PKHD1: variants seen among roughly 807,000 people sequenced by gnomAD.
PKHD1 encodes PKHD1 ciliary IPT domain containing fibrocystin/polyductin.
PKHD1 carries 291 observed loss-of-function variants against 412.0 expected under a neutral mutation model. That is an observed-to-expected ratio of 0.71 (90% CI 0.64 to 0.78). The LOEUF is 0.78. Ranked by LOEUF, PKHD1 falls within the 30% of genes least tolerant of loss-of-function variation. The pLI, the probability that PKHD1 is intolerant of heterozygous loss-of-function variation, is 0.00. For synonymous variants in PKHD1, 1,777 were observed against 1,821.5 expected, an observed-to-expected ratio of 0.98 and a Z score of 0.62; for missense variants, 4,825 against 4,950.7, an observed-to-expected ratio of 0.97 and a Z score of 0.76.
chr6:52,017,336 A>T (rs952547875), intron 34 of PKHD1, 74 bp downstream of exon 34: 63 of 1,088,262 alleles, frequency 5.8e-5, no homozygotes, highest in Non-Finnish European at 6.6e-5. Flanking sequence ...CCCAGCCTAC[A>T]CTCTCTGATG....
chr6:51,975,963 T>TAAAAAAAAAAAAAAAAAAA (rs66774242), intron 35 of PKHD1: 1 of 69,766 alleles, frequency 1.4e-5, no homozygotes, highest in Non-Finnish European at 2.7e-5. Flanking sequence ...TTTCTCTAAT[T>TAAAAAAAAAAAAAAAAAAA]AAAAAAAAAA....
intron 29 of PKHD1, among the ~76,000 whole-genome samples, chr6:52,029,495 G>A (rs889871835): frequency 1.3e-5 from 2 of 152,188 alleles, no homozygotes; most frequent in African/African-American, 2.4e-5. Flanking sequence ...AAGAGAGGTG[G>A]AAATTAAGCA....
At chr6:51,798,900 AG>A (rs1054751934) in intron 52 of PKHD1, among the ~76,000 whole-genome samples, 10 of 152,304 alleles carry the variant, frequency 6.6e-5, no homozygotes, top group Admixed American at 5.9e-4. Flanking sequence ...TACACATAAA[AG>A]TATGATAGTA....
At chr6:51,950,901 G>A (rs925682808) in intron 36 of PKHD1, among the ~76,000 whole-genome samples, 3 of 152,078 alleles carry the variant, frequency 2.0e-5, no homozygotes, top group African/African-American at 4.8e-5. Flanking sequence ...TTGCTCCTCC[G>A]GGTGAATGGA....
chr6:51,655,812 G>A (rs1771731242), intron 61 of PKHD1, among the ~76,000 whole-genome samples: 1 of 152,082 alleles, frequency 6.6e-6, no homozygotes, highest in South Asian at 2.1e-4. Context: ...CAGTCAGAAA[G>A]GCAATTATTA....
At chr6:52,056,090 A>G (rs12664407) in intron 18 of PKHD1, among the ~76,000 whole-genome samples, 22,432 of 152,184 alleles carry the variant, frequency 0.15, 1,709 homozygotes, top group Middle Eastern at 0.25. Context: ...GAATGGCCAC[A>G]GCATGAGTGG....
At chr6:51,678,024 A>G (rs921458432) in intron 60 of PKHD1, among the ~76,000 whole-genome samples, 1 of 152,124 alleles carries the variant, frequency 6.6e-6, no homozygotes, top group Admixed American at 6.5e-5. Flanking sequence ...TTTTGTTGTA[A>G]TATGTTTTCA....
At chr6:51,841,435 T>C (rs1296102955) in intron 50 of PKHD1, among the ~76,000 whole-genome samples, 2 of 152,100 alleles carry the variant, frequency 1.3e-5, no homozygotes, top group African/African-American at 2.4e-5. Flanking sequence ...CTCCTTCTCT[T>C]CCTGCCTTTT....
At chr6:51,921,215 A>C (rs530771679) in intron 37 of PKHD1, among the ~76,000 whole-genome samples, 1 of 152,184 alleles carries the variant, frequency 6.6e-6, no homozygotes, top group South Asian at 2.1e-4. Context: ...TTGTGATGTT[A>C]GAGTATCGAT....
intron 47 of PKHD1, among the ~76,000 whole-genome samples, chr6:51,869,226 T>A (rs1775570669): frequency 6.6e-6 from 1 of 152,146 alleles, no homozygotes; most frequent in South Asian, 2.1e-4. Context: ...AAGCACAACT[T>A]ACTTCTTGGA....
At chr6:51,746,916 A>G (rs944872312) in intron 58 of PKHD1, 27 bp from the exon 59 acceptor site, 3 of 1,274,896 alleles carry the variant, frequency 2.4e-6, no homozygotes, top group Non-Finnish European at 3.4e-6. Flanking sequence ...ATGTATCATA[A>G]TATTATATCA....
chr6:52,065,999 T>C lies in PKHD1; in HGVS notation c.857A>G (p.Asn286Ser), dbSNP rs770742408. Residue 286 changes from asparagine (N) to serine (S), a missense_variant, in exon 12 of 67, where the codon AAT becomes AGT. By Grantham distance (46) the Asn-to-Ser change is conservative. Coordinates refer to ENST00000371117, the MANE Select transcript of PKHD1 (RefSeq NM_138694.4). Reference protein sequence around the residue: ...NITITGDFFDNSAQVTIAGIP... With the variant: ...NITITGDFFDSSAQVTIAGIP... ...ACCTGCAATGGTAACCTGGGCAGAA[T>C]TGTCAAAAAAGTCTCCTGTAATTGT... 3 of 1,584,102 alleles carry C rather than the reference T, an allele frequency of 1.9e-6. No homozygotes were observed. Among genetic ancestry groups the C allele is most frequent in the Non-Finnish European group, 2.6e-6 (3 of 1,152,798 alleles).
At chr6:51,891,285 G>A (rs1779079699) in intron 43 of PKHD1, among the ~76,000 whole-genome samples, 1 of 151,996 alleles carries the variant, frequency 6.6e-6, no homozygotes, top group African/African-American at 2.4e-5. Context: ...TTGTTTGTTT[G>A]TTTTCTTTTT....
chr6:51,955,007 C>T (rs1458897073), intron 36 of PKHD1, among the ~76,000 whole-genome samples: 1 of 152,004 alleles, frequency 6.6e-6, no homozygotes, highest in Admixed American at 6.6e-5. Flanking sequence ...GATTATGGCT[C>T]ATCATAATTA....
At chr6:51,808,616 T>C (rs1764210381) in intron 52 of PKHD1, among the ~76,000 whole-genome samples, 2 of 152,252 alleles carry the variant, frequency 1.3e-5, no homozygotes, top group African/African-American at 2.4e-5. Context: ...ATAAGAAATA[T>C]GAGCAAGAGA....
intron 35 of PKHD1, among the ~76,000 whole-genome samples, chr6:51,974,789 C>G (rs1794150804): frequency 1.3e-5 from 2 of 152,118 alleles, no homozygotes; most frequent in Admixed American, 1.3e-4. Flanking sequence ...ACCAAAATCT[C>G]AGAAATCACC....
intron 63 of PKHD1, among the ~76,000 whole-genome samples, chr6:51,642,352 T>C (rs1386833940): frequency 6.6e-6 from 1 of 151,954 alleles, no homozygotes; most frequent in Non-Finnish European, 1.5e-5. Flanking sequence ...GGACTATGGG[T>C]TAGAAATGAA....
intron 51 of PKHD1, among the ~76,000 whole-genome samples, 183 bp downstream of exon 51, chr6:51,836,221 T>A (rs1025533850): frequency 9.2e-5 from 14 of 152,194 alleles, no homozygotes; most frequent in African/African-American, 3.4e-4. Context: ...CACCTTTATA[T>A]CCTTTTTTGA....
Position 51,904,053 on chromosome 6 carries a change from A to C in PKHD1, c.6809-11T>G. On this transcript the variant is annotated splice_polypyrimidine_tract_variant and intron_variant, in intron 41 of 66. Transcript: ENST00000371117. The stretch of plus-strand genomic sequence containing the variant: ...TCTCCGTGCATGTCCCTGAGAACAA[A>C]AGACCCCATTACTTGAGTATATTTT... 1 of 1,568,248 alleles carries C rather than the reference A, an allele frequency of 6.4e-7. No homozygotes were observed. Among genetic ancestry groups the C allele is most frequent in the Non-Finnish European group, 8.8e-7 (1 of 1,138,572 alleles).
Sources: gnomAD v4.1 joint callset for allele counts (sites outside exome capture counted in the v4.1 genomes callset) on GRCh38, gnomAD v4.1.1 for gene constraint, MANE v1.5 for transcripts, NCBI Gene and HGNC (gene_info 2026-07-23, HGNC 2026-07-21) for gene names.